Variants in CORO2A observed in about 807,000 individuals in gnomAD.
The protein encoded by CORO2A is coronin 2A, also known as coronin-2A.
Under a neutral mutation model 62.4 loss-of-function variants are expected in CORO2A, and 47 were observed. The ratio of observed to expected loss-of-function variants is 0.75; its 90% confidence interval spans 0.60 to 0.96. The LOEUF (loss-of-function observed/expected upper bound fraction) is 0.96. CORO2A is among the 40% of genes least tolerant of loss of function. The pLI is 0.00. For synonymous variants in CORO2A, 273 were observed against 268.9 expected, an observed-to-expected ratio of 1.02 and a Z score of -0.15; for missense variants, 610 against 684.1, an observed-to-expected ratio of 0.89 and a Z score of 1.21.
chr9:98,188,452 T>C (rs978453319), intron 1 of CORO2A, among the ~76,000 whole-genome samples: 1 of 152,168 alleles, frequency 6.6e-6, no homozygotes, highest in Non-Finnish European at 1.5e-5. Flanking sequence ...GCCTTCCCCC[T>C]TTCCCCAGCA....
rs745654180 is a variant in CORO2A, at chr9:98,133,113, G to A, written c.573C>T (p.Asn191=). The change falls in exon 5 of 12, where the codon AAC becomes AAT. Residue 191 remains asparagine (N), a synonymous_variant. Transcript: ENST00000375077. ...DVILSMSFNT[N]GSLLATTCKD... ...TGCAGGTGGTGGCCAACAGGCTGCC[G>A]TTGGTGTTGAAGGACATGGAGAGGA... 6.2e-6 allele frequency: 10 copies of A among 1,614,104 alleles called. No individual in the cohort carries two copies. Among genetic ancestry groups the A allele is most frequent in the African/African-American group, 4.0e-5 (3 of 74,942 alleles).
intron 1 of CORO2A, among the ~76,000 whole-genome samples, chr9:98,163,047 G>A (rs1564212795): frequency 1.3e-5 from 2 of 152,358 alleles, no homozygotes; most frequent in East Asian, 3.9e-4. Context: ...GGCACAAGGC[G>A]GGAGGTGGCA....
intron 1 of CORO2A, among the ~76,000 whole-genome samples, chr9:98,161,894 G>T (rs1012616945): frequency 6.6e-5 from 10 of 152,130 alleles, no homozygotes; most frequent in African/African-American, 2.4e-4. Flanking sequence ...CACCTGTAGG[G>T]GGTACCTGGG....
intron 4 of CORO2A, among the ~76,000 whole-genome samples, chr9:98,133,901 C>A (rs534096811): frequency 6.6e-6 from 1 of 151,762 alleles, no homozygotes; most frequent in East Asian, 1.9e-4. Context: ...CTACTTGACG[C>A]ATTTTCCCAC....
intron 11 of CORO2A, among the ~76,000 whole-genome samples, chr9:98,125,959 C>T (rs1237005061): frequency 6.6e-6 from 1 of 151,538 alleles, no homozygotes; most frequent in Non-Finnish European, 1.5e-5. Context: ...CTCAAGAGAT[C>T]CACCCGCCTT....
At chr9:98,133,522 G>A (rs1334397770) in intron 4 of CORO2A, among the ~76,000 whole-genome samples, 6 of 152,180 alleles carry the variant, frequency 3.9e-5, no homozygotes, top group Admixed American at 2.6e-4. Flanking sequence ...GTTATTAGCA[G>A]CAGTTTGCAC....
intron 3 of CORO2A, among the ~76,000 whole-genome samples, chr9:98,135,680 A>G (rs981029815): frequency 6.6e-6 from 1 of 152,122 alleles, no homozygotes; most frequent in African/African-American, 2.4e-5. Context: ...GATCTTCCTT[A>G]TTGGTCCTGC....
At chr9:98,171,615 C>T (rs1468313119) in intron 1 of CORO2A, among the ~76,000 whole-genome samples, 2 of 152,098 alleles carry the variant, frequency 1.3e-5, no homozygotes, top group African/African-American at 4.8e-5. Flanking sequence ...GGAGGGCCCC[C>T]GGGAGGATAC....
chr9:98,146,242 T>G (rs1827642909), intron 2 of CORO2A, among the ~76,000 whole-genome samples: 1 of 152,220 alleles, frequency 6.6e-6, no homozygotes, highest in Non-Finnish European at 1.5e-5. Flanking sequence ...GGAGTGACTC[T>G]GTGGCAGGCT....
In CORO2A at chr9:98,137,731, C is replaced by T. The variant is rs764275502; in HGVS notation, c.202-43G>A. 3.5e-6 allele frequency: 5 copies of T among 1,412,590 alleles called. No individual in the cohort carries two copies. The African/African-American group carries it at 5.6e-5, about 16-fold the overall frequency. 87.5% of individuals were successfully genotyped at this position (1,412,590 alleles called of 1,614,324 possible). On this transcript the variant is annotated intron_variant, in intron 2 of 11. Transcript: ENST00000375077. ...GGAGGGTTGGGGAGGAGGTGGATTC[C>T]ACATTAGCATCTGGACAGTCACATA...
At chr9:98,192,190 G>A (rs577581296) in intron 1 of CORO2A, among the ~76,000 whole-genome samples, 1 of 152,352 alleles carries the variant, frequency 6.6e-6, no homozygotes, top group East Asian at 1.9e-4. Flanking sequence ...CCACAGCAGG[G>A]GCCTGTCGGG....
At position 98,139,171 on chromosome 9, in the gene CORO2A, G is replaced by A. The variant is rs578202829; in HGVS notation, c.202-1483C>T. Among the ~76,000 whole-genome samples the A allele has an allele frequency of 9.9e-5, 15 of 152,246 alleles. 1 individual carries two copies. Among genetic ancestry groups the A allele is most frequent in the African/African-American group, 2.2e-4 (9 of 41,552 alleles). ...GGGTGACTGCTAATGAGTGAGGGGTGTCTTTTTGGAGTGACAAAATGATTT... is the reference window on the plus strand; with the variant it reads ...GGGTGACTGCTAATGAGTGAGGGGTATCTTTTTGGAGTGACAAAATGATTT... On this transcript the variant is annotated intron_variant, in intron 2 of 11. Transcript: ENST00000375077.
rs1827968551 is a variant in CORO2A, at chr9:98,166,907, C to T, written c.1-9247G>A. Among the ~76,000 whole-genome samples the T allele has an allele frequency of 3.3e-5, 5 of 151,742 alleles. No homozygotes were observed. The South Asian group carries it at 1.0e-3, about 32-fold the overall frequency. The stretch of plus-strand genomic sequence containing the variant: ...CTTGGGTTCTGGAGTTCAAGACCAG[C>T]CTGGGTGACACAGCAAGACCTCATC... On this transcript the variant is annotated intron_variant, in intron 1 of 11. Coordinates refer to ENST00000375077, the MANE Select transcript of CORO2A (RefSeq NM_052820.4).
At chr9:98,182,114 C>T (rs1828184678) in intron 1 of CORO2A, among the ~76,000 whole-genome samples, 1 of 152,210 alleles carries the variant, frequency 6.6e-6, no homozygotes. Context: ...TCTACGATTA[C>T]TGTCCATCTC....
chr9:98,175,231 G>C (rs1828092428), intron 1 of CORO2A, among the ~76,000 whole-genome samples: 1 of 152,192 alleles, frequency 6.6e-6, no homozygotes, highest in Admixed American at 6.5e-5. Flanking sequence ...CCCCAGCAGA[G>C]GGGCTCGGTA....
intron 2 of CORO2A, among the ~76,000 whole-genome samples, chr9:98,145,438 C>T (rs1373148933): frequency 6.6e-6 from 1 of 152,108 alleles, no homozygotes; most frequent in Non-Finnish European, 1.5e-5. Flanking sequence ...ATGTTCTTGT[C>T]CAGGATGAAC....
intron 1 of CORO2A, among the ~76,000 whole-genome samples, chr9:98,167,369 C>T (rs1214695501): frequency 6.6e-6 from 1 of 152,052 alleles, no homozygotes; most frequent in Admixed American, 6.6e-5. Context: ...ATAAAGAGTT[C>T]TAGAGATGGA....
intron 7 of CORO2A, 136 bp from the exon 8 acceptor site, chr9:98,130,026 G>C: frequency 1.6e-6 from 1 of 628,262 alleles, no homozygotes; most frequent in Non-Finnish European, 2.9e-6. Context: ...GGAACACCAG[G>C]AAACTGGGGG....
intron 1 of CORO2A, among the ~76,000 whole-genome samples, chr9:98,159,510 C>T (rs915811501): frequency 3.4e-4 from 51 of 151,798 alleles, no homozygotes; most frequent in Non-Finnish European, 1.2e-4. Context: ...CCAGCACCTG[C>T]TCTTGCATCT....
Sources: gnomAD v4.1 joint callset for allele counts (sites outside exome capture counted in the v4.1 genomes callset) on GRCh38, gnomAD v4.1.1 for gene constraint, MANE v1.5 for transcripts, NCBI Gene and HGNC (gene_info 2026-07-23, HGNC 2026-07-21) for gene names.